Variants in EMP1 observed in about 807,000 individuals in gnomAD.
EMP1 encodes epithelial membrane protein 1.
In EMP1, 5 loss-of-function variants were observed where a neutral mutation model predicts 15.7. That is an observed-to-expected ratio of 0.32 (90% confidence interval 0.17 to 0.67). The LOEUF is 0.67. Ranked by LOEUF, EMP1 falls within the 30% of genes least tolerant of loss-of-function variation. The pLI is 0.74. For missense variants in EMP1, 166 were observed against 194.2 expected (o/e 0.85, Z 0.86); for synonymous variants, 78 against 76.7 (o/e 1.02, Z -0.09).
chr12:13,216,705 A>G lies in EMP1; in HGVS notation c.*2014A>G, dbSNP rs993098248. ...TCGTTAATAGATTATTTCATATACT[A>G]TAATTGTAAATATTTTGATACAAAT... On this transcript the variant is annotated 3_prime_UTR_variant, in exon 5 of 5. Coordinates refer to ENST00000256951, the MANE Select transcript of EMP1 (RefSeq NM_001423.3). 4 of 404,890 alleles carry G rather than the reference A, an allele frequency of 9.9e-6. No homozygotes were observed. Among genetic ancestry groups the G allele is most frequent in the Non-Finnish European group, 1.7e-5 (4 of 229,676 alleles). 25.1% of individuals were successfully genotyped at this position (404,890 alleles called of 1,614,324 possible).
chr12:13,209,216 T>A (rs1265905549), intron 1 of EMP1: 1 of 152,198 alleles, frequency 6.6e-6, no homozygotes, highest in Admixed American at 6.5e-5. Context: ...TATTTGTAAT[T>A]CCCTGCAATC....
chr12:13,214,228 G>A (rs1591710753), intron 4 of EMP1: 1 of 595,214 alleles, frequency 1.7e-6, no homozygotes, highest in East Asian at 2.8e-5. Context: ...GCATCCCTGA[G>A]TAGCTTTCCT....
In EMP1 at chr12:13,214,660, G is replaced by A. The variant is rs762871274; in HGVS notation, c.443G>A (p.Gly148Asp). 4 of 1,613,602 alleles carry A rather than the reference G, an allele frequency of 2.5e-6. No individual in the cohort carries two copies. The Admixed American group carries it at 5.0e-5, about 20-fold the overall frequency. ...TGCTTCTGCTTCAGCTTCATCATCG[G>A]CGTTCTCTATCTGGTCCTGAGAAAG... is the stretch of plus-strand genomic sequence containing the variant. ...WICFCFSFII[G>D]VLYLVLRKK The change falls in exon 5 of 5, where the codon GGC becomes GAC. Residue 148 changes from glycine (G) to aspartate (D), a missense_variant. Transcript: ENST00000256951.
intron 1 of EMP1, among the ~76,000 whole-genome samples, chr12:13,203,196 C>A (rs1864081753): frequency 6.6e-6 from 1 of 152,166 alleles, no homozygotes; most frequent in African/African-American, 2.4e-5. Context: ...GCCGCTGGGG[C>A]CGGGCCACAC....
chr12:13,201,911 T>C (rs569051441), intron 1 of EMP1, among the ~76,000 whole-genome samples: 1 of 151,146 alleles, frequency 6.6e-6, no homozygotes, highest in East Asian at 2.0e-4. Flanking sequence ...CCCTGCAGCA[T>C]GAAGGTGTGG....
In EMP1 at chr12:13,212,635, A is replaced by G. The variant is rs116939783; in HGVS notation, c.79-844A>G. 4.6e-3 allele frequency among the ~76,000 whole-genome samples: 705 copies of G among 152,368 alleles called. 2 individuals are homozygous for G. Among genetic ancestry groups the G allele is most frequent in the Middle Eastern group, 0.014 (4 of 294 alleles). On this transcript the variant is annotated intron_variant, in intron 2 of 4. Transcript: ENST00000256951. ...ATTAATGAGCGCCAAAGCGCTGCGT[A>G]TCTGTGAATTACCAGCCCCTAATAT... is the stretch of plus-strand genomic sequence containing the variant.
chr12:13,199,019 C>T (rs1317624321), intron 1 of EMP1, among the ~76,000 whole-genome samples: 4 of 146,000 alleles, frequency 2.7e-5, no homozygotes, highest in African/African-American at 1.0e-4. Context: ...AAGAATGGGG[C>T]GGGGGCGGGG....
In EMP1 at chr12:13,200,050, C is replaced by T. The variant is rs575961698; in HGVS notation, c.-43+3178C>T. On this transcript the variant is annotated intron_variant, in intron 1 of 4. Transcript: ENST00000256951. ...TTATGTACATAGTCAATCATACTCACGGGGTTTTTGATTTGGAGGTATTTA... is the reference window on the plus strand; with the variant it reads ...TTATGTACATAGTCAATCATACTCATGGGGTTTTTGATTTGGAGGTATTTA... Among the ~76,000 whole-genome samples the T allele has an allele frequency of 5.3e-5, 8 of 149,660 alleles. No homozygotes were observed. The South Asian group carries it at 1.0e-3, about 20-fold the overall frequency.
chr12:13,205,863 T>C (rs1288648333), intron 1 of EMP1, among the ~76,000 whole-genome samples: 2 of 152,216 alleles, frequency 1.3e-5, no homozygotes, highest in Non-Finnish European at 2.9e-5. Context: ...GCAGAGCTTT[T>C]ATTTTTGGAA....
Position 13,218,460 on chromosome 12 carries a change from G to A in EMP1, c.*3769G>A, listed in dbSNP as rs530258667. 6.6e-6 allele frequency: 1 copy of A among 152,296 alleles called. No homozygotes were observed. Among genetic ancestry groups the A allele is most frequent in the East Asian group, 1.9e-4 (1 of 5,188 alleles). The allele number at this position is 152,296 out of a possible 1,614,324, so 9.4% of individuals were successfully genotyped here. ...GCTAGATTTTGTGGGGGGAGAGAAG[G>A]GAATAGGATAGGCTGGTGGGAGGAA... On this transcript the variant is annotated 3_prime_UTR_variant, in exon 5 of 5. Coordinates refer to ENST00000256951, the MANE Select transcript of EMP1 (RefSeq NM_001423.3).
intron 4 of EMP1, 139 bp downstream of exon 4, chr12:13,213,960 T>C: frequency 7.9e-7 from 1 of 1,265,320 alleles, no homozygotes; most frequent in South Asian, 1.2e-5. Flanking sequence ...TTTGTTCTCT[T>C]GTGGAGAACC....
At position 13,211,967 on chromosome 12, in the gene EMP1, G is replaced by T. The variant is rs374945660; in HGVS notation, c.78+379G>T. 4.6e-6 allele frequency: 1 copy of T among 217,536 alleles called. No homozygotes were observed. The highest frequency in any genetic ancestry group is 5.5e-5 in the Admixed American group (1 of 18,222). The allele number at this position is 217,536 out of a possible 1,614,324, so 13.5% of individuals were successfully genotyped here. On this transcript the variant is annotated intron_variant, in intron 2 of 4. Transcript: ENST00000256951. This position sits in a 1 kb window ranked among gnomAD's most constrained non-coding sequence, Gnocchi z 4.7. ...GGAAGGATCATAGGGATGCATTCAG[G>T]TGGGAGTGCTAGCAAAGGAGCATAT... is the stretch of plus-strand genomic sequence containing the variant.
chr12:13,219,524 A>G lies in EMP1; in HGVS notation c.*4833A>G, dbSNP rs921949400. 12 of 152,250 alleles carry G rather than the reference A, an allele frequency of 7.9e-5. No homozygotes were observed. Among genetic ancestry groups the G allele is most frequent in the African/African-American group, 2.9e-4 (12 of 41,466 alleles). 9.4% of individuals were successfully genotyped at this position (152,250 alleles called of 1,614,324 possible). A position where few individuals can be genotyped will look rare whatever the true frequency, so the allele number is the denominator to read the frequency against. On this transcript the variant is annotated 3_prime_UTR_variant, in exon 5 of 5. Coordinates refer to ENST00000256951, the MANE Select transcript of EMP1 (RefSeq NM_001423.3). ...CAAAGGTGCTTCCACACTTTCAAGT[A>G]TCTTTATAGCAATGCCCCACTCCTG... is the stretch of plus-strand genomic sequence containing the variant.
chr12:13,204,991 G>A (rs887686528), intron 1 of EMP1, among the ~76,000 whole-genome samples: 43 of 152,122 alleles, frequency 2.8e-4, no homozygotes, highest in African/African-American at 8.0e-4. Flanking sequence ...TAATCTCACC[G>A]GCAGAATTAA....
At chr12:13,203,476 G>T (rs1421000204) in intron 1 of EMP1, among the ~76,000 whole-genome samples, 2 of 152,248 alleles carry the variant, frequency 1.3e-5, no homozygotes, top group Non-Finnish European at 2.9e-5. Context: ...GGAAATAAGA[G>T]AGAGAGGTTA....
At chr12:13,202,618 G>A (rs1000626029) in intron 1 of EMP1, among the ~76,000 whole-genome samples, 3 of 152,174 alleles carry the variant, frequency 2.0e-5, no homozygotes, top group Non-Finnish European at 4.4e-5. Context: ...CCTGTGCTGA[G>A]GGTTAGAAGG....
At chr12:13,202,563 C>G (rs747913677) in intron 1 of EMP1, among the ~76,000 whole-genome samples, 2 of 152,090 alleles carry the variant, frequency 1.3e-5, no homozygotes, top group Admixed American at 1.3e-4. Flanking sequence ...CCTGGAGCTT[C>G]CCTTTATTGA....
chr12:13,198,605 T>C (rs1424527895), intron 1 of EMP1, among the ~76,000 whole-genome samples: 1 of 152,244 alleles, frequency 6.6e-6, no homozygotes, highest in East Asian at 1.9e-4. Context: ...TTAGCCATTA[T>C]TAAATCAATA....
chr12:13,202,326 G>A (rs1864073152), intron 1 of EMP1, among the ~76,000 whole-genome samples: 2 of 152,156 alleles, frequency 1.3e-5, no homozygotes, highest in Admixed American at 1.3e-4. Context: ...CACTACATGT[G>A]CCCACCAGGC....
Sources: allele counts gnomAD v4.1 joint callset (sites outside exome capture counted in the v4.1 genomes callset), GRCh38; gene constraint gnomAD v4.1.1; non-coding constraint Gnocchi (gnomAD v3.1); transcripts MANE v1.5; gene names NCBI Gene and HGNC (gene_info 2026-07-23, HGNC 2026-07-21).